Variants in KDM4C observed in about 807,000 individuals in gnomAD.
The protein encoded by KDM4C is lysine demethylase 4C.
Under a neutral mutation model 129.3 loss-of-function variants are expected in KDM4C, and 81 were observed. The ratio of observed to expected loss-of-function variants is 0.63; its 90% CI spans 0.52 to 0.75. KDM4C has a LOEUF of 0.75. Among genes scored for constraint, KDM4C ranks in the 30% least tolerant of loss-of-function variants. The probability of loss-of-function intolerance (pLI) is 0.00; values close to 1 mark genes in which losing one functional copy is unlikely to be tolerated. For synonymous variants in KDM4C, 573 were observed against 456.1 expected, an observed-to-expected ratio of 1.26 and a Z score of -3.26; for missense variants, 1,457 against 1,304.0, an observed-to-expected ratio of 1.12 and a Z score of -1.81.
At chr9:6,991,691 AT>A (rs35843304) in intron 12 of KDM4C, among the ~76,000 whole-genome samples, 40,539 of 151,872 alleles carry the variant, frequency 0.27, 5,935 homozygotes, top group Non-Finnish European at 0.32. Context: ...TCTTTCACAG[AT>A]TTTTTCCCCC....
chr9:6,973,511 G>A (rs1025611601), intron 8 of KDM4C, among the ~76,000 whole-genome samples: 1 of 152,146 alleles, frequency 6.6e-6, no homozygotes, highest in Admixed American at 6.5e-5. Flanking sequence ...TATTGTTTTC[G>A]ACATGGCTGC....
intron 3 of KDM4C, among the ~76,000 whole-genome samples, chr9:6,808,824 G>A (rs1465526111): frequency 6.6e-6 from 1 of 151,946 alleles, no homozygotes; most frequent in Non-Finnish European, 1.5e-5. Context: ...GAAGGGAGGA[G>A]TGTCAATGAA....
At chr9:6,834,551 T>G (rs1835510439) in intron 4 of KDM4C, 1 of 695,708 alleles carries the variant, frequency 1.4e-6, no homozygotes, top group East Asian at 2.7e-5. Context: ...CGTCTTCCCC[T>G]TCATCGTGTG....
chr9:6,988,380 A>G (rs1818115247), intron 11 of KDM4C, among the ~76,000 whole-genome samples: 3 of 151,938 alleles, frequency 2.0e-5, no homozygotes, highest in African/African-American at 7.3e-5. Context: ...AGTGCTGTTT[A>G]TCTTCATCTT....
At chr9:6,958,702 T>TTG (rs879880793) in intron 8 of KDM4C, among the ~76,000 whole-genome samples, 2,330 of 150,912 alleles carry the variant, frequency 0.015, 58 homozygotes, top group African/African-American at 0.054. Context: ...TTTTTTTTTT[T>TTG]GGGACAGGGT....
chr9:7,069,297 C>T (rs1832881430), intron 17 of KDM4C, among the ~76,000 whole-genome samples: 1 of 152,118 alleles, frequency 6.6e-6, no homozygotes, highest in Admixed American at 6.5e-5. Context: ...TTAAAGTTAA[C>T]TTTTATCACG....
chr9:6,901,534 C>T lies in KDM4C; in HGVS notation c.921+8302C>T, dbSNP rs561401220. ...ACATCTTGCTGCCAAGGGCAGGAAG[C>T]GAGACAGTGTGAGAACTAGGCTCAT... On this transcript the variant is annotated intron_variant, in intron 8 of 21. Transcript: ENST00000381309. Among the ~76,000 whole-genome samples the T allele has an allele frequency of 3.4e-4, 51 of 152,224 alleles. No homozygotes were observed. The South Asian group carries it at 8.7e-3, about 26-fold the overall frequency.
chr9:6,807,996 G>T (rs1830422365), intron 3 of KDM4C, among the ~76,000 whole-genome samples: 1 of 122,764 alleles, frequency 8.1e-6, no homozygotes, highest in Admixed American at 7.4e-5. Context: ...AGGTGGGGGG[G>T]GTCAGCCCCC....
rs533561849 is a variant in KDM4C at position 7,151,288 on chromosome 9, C to G, written c.2782-13950C>G. ...GTATGAGGACATTGGCCAAGTGTGACTGGTGGAAAAAAAAAAATTGGCTGT... is the reference window on the plus strand; with the variant it reads ...GTATGAGGACATTGGCCAAGTGTGAGTGGTGGAAAAAAAAAAATTGGCTGT... On this transcript the variant is annotated intron_variant, in intron 19 of 21. Transcript: ENST00000381309. Among the ~76,000 whole-genome samples, 4 of 147,832 alleles carry G rather than the reference C, an allele frequency of 2.7e-5. No individual in the cohort carries two copies. In the South Asian group the frequency reaches 8.5e-4, roughly 31 times the overall value.
intron 8 of KDM4C, among the ~76,000 whole-genome samples, chr9:6,970,297 T>C (rs1048047287): frequency 6.6e-6 from 1 of 152,194 alleles, no homozygotes; most frequent in Non-Finnish European, 1.5e-5. Flanking sequence ...GTGATGAACA[T>C]TGAAAACTTT....
At chr9:6,939,356 A>C (rs987823896) in intron 8 of KDM4C, among the ~76,000 whole-genome samples, 2 of 152,062 alleles carry the variant, frequency 1.3e-5, no homozygotes, top group Non-Finnish European at 2.9e-5. Context: ...CCGTGAGGGC[A>C]TGGCCTAGTT....
chr9:6,864,421 T>G (rs576834826), intron 5 of KDM4C, among the ~76,000 whole-genome samples: 2 of 152,230 alleles, frequency 1.3e-5, no homozygotes, highest in Non-Finnish European at 2.9e-5. Flanking sequence ...TCTCTTCCTG[T>G]TTTTAAGATC....
At chr9:6,722,664 C>A (rs945900436) in intron 1 of KDM4C, among the ~76,000 whole-genome samples, 27 of 152,070 alleles carry the variant, frequency 1.8e-4, no homozygotes, top group Admixed American at 1.7e-3. Context: ...CAGACATGCA[C>A]CACCATGCCC....
intron 1 of KDM4C, among the ~76,000 whole-genome samples, chr9:6,745,902 C>T (rs112306163): frequency 2.0e-5 from 3 of 152,172 alleles, no homozygotes; most frequent in Middle Eastern, 6.8e-3. Flanking sequence ...CTCTGCCTCA[C>T]GGGTTCAAGT....
intron 17 of KDM4C, among the ~76,000 whole-genome samples, chr9:7,078,261 G>C (rs1219828707): frequency 6.6e-6 from 1 of 151,850 alleles, no homozygotes; most frequent in Admixed American, 6.6e-5. Context: ...AAAATCAATG[G>C]GAAAAAAGTA....
intron 1 of KDM4C, among the ~76,000 whole-genome samples, chr9:6,785,109 A>G (rs1825190126): frequency 6.6e-6 from 1 of 152,208 alleles, no homozygotes; most frequent in Non-Finnish European, 1.5e-5. Context: ...GGTTTAAAAC[A>G]AGAGACGTCT....
At chr9:6,777,305 A>G (rs1005836691) in intron 1 of KDM4C, among the ~76,000 whole-genome samples, 1 of 152,224 alleles carries the variant, frequency 6.6e-6, no homozygotes, top group African/African-American at 2.4e-5. Context: ...GCAAAACCTC[A>G]GTAACTGCTA....
chr9:6,960,077 G>A (rs1010259492), intron 8 of KDM4C, among the ~76,000 whole-genome samples: 1 of 151,824 alleles, frequency 6.6e-6, no homozygotes, highest in East Asian at 2.0e-4. Context: ...CCAAGTCCCT[G>A]AGAGATTCCT....
At chr9:6,820,010 G>A (rs556480655) in intron 4 of KDM4C, among the ~76,000 whole-genome samples, 69 of 151,952 alleles carry the variant, frequency 4.5e-4, no homozygotes, top group Non-Finnish European at 9.6e-4. Flanking sequence ...TAAGAAAATC[G>A]TAGCCGTTTT....
Sources: allele counts gnomAD v4.1 joint callset (sites outside exome capture counted in the v4.1 genomes callset), GRCh38; gene constraint gnomAD v4.1.1; transcripts MANE v1.5; gene names NCBI Gene and HGNC (gene_info 2026-07-23, HGNC 2026-07-21).